Variants in TLE4 observed in about 807,000 individuals in gnomAD.
TLE4 encodes TLE family member 4, transcriptional corepressor.
TLE4 carries 8 observed loss-of-function variants against 92.8 expected under a neutral mutation model. The observed-to-expected ratio is 0.09, with a 90% CI of 0.05 to 0.16. The LOEUF is 0.16. TLE4 is among the 10% of genes least tolerant of loss of function. The pLI, the probability that TLE4 is intolerant of heterozygous loss-of-function variation, is 1.00. For missense variants in TLE4, 675 were observed against 997.6 expected (o/e 0.68, Z 4.36); for synonymous variants, 371 against 374.1 (o/e 0.99, Z 0.10).
rs1288180333 is a variant in TLE4 at position 79,726,206 on chromosome 9, C to T, written c.*1062C>T. ...GGATGAGGACTTGCTTTCTTTACCT[C>T]CGGTTCTTTCCATGTCTTAGTTGGA... On this transcript the variant is annotated 3_prime_UTR_variant, in exon 20 of 20. Transcript: ENST00000376552. The T allele has an allele frequency of 6.5e-6, 1 of 152,680 alleles. No individual in the cohort carries two copies. Among genetic ancestry groups the T allele is most frequent in the African/African-American group, 2.4e-5 (1 of 41,472 alleles). 9.5% of individuals were successfully genotyped at this position (152,680 alleles called of 1,614,324 possible).
intron 8 of TLE4, among the ~76,000 whole-genome samples, chr9:79,688,397 T>C (rs2066341478): frequency 6.6e-6 from 1 of 152,098 alleles, no homozygotes; most frequent in East Asian, 1.9e-4. Context: ...CTCAATTCTT[T>C]TGCTTTATGT....
intron 4 of TLE4, among the ~76,000 whole-genome samples, chr9:79,608,297 G>T (rs2047568045): frequency 6.6e-6 from 1 of 151,766 alleles, no homozygotes; most frequent in South Asian, 2.1e-4. Flanking sequence ...TTTAATCTAG[G>T]GTCAGGCAAG....
intron 6 of TLE4, among the ~76,000 whole-genome samples, chr9:79,632,480 A>T (rs1178063199): frequency 6.6e-6 from 1 of 152,150 alleles, no homozygotes; most frequent in African/African-American, 2.4e-5. Flanking sequence ...TTCCCGGCAG[A>T]CACTTAGGAT....
chr9:79,588,859 G>T (rs759578152), intron 4 of TLE4, among the ~76,000 whole-genome samples: 10 of 152,144 alleles, frequency 6.6e-5, no homozygotes, highest in Non-Finnish European at 1.0e-4. Flanking sequence ...TTTTGTGGGG[G>T]CAGAATCCAT....
intron 4 of TLE4, among the ~76,000 whole-genome samples, chr9:79,580,905 A>G (rs1023034693): frequency 1.2e-4 from 19 of 152,318 alleles, no homozygotes; most frequent in African/African-American, 4.6e-4. Context: ...ATACTACTAG[A>G]TTATAAAATC....
intron 8 of TLE4, among the ~76,000 whole-genome samples, chr9:79,662,176 T>C (rs563306490): frequency 3.9e-5 from 6 of 152,224 alleles, no homozygotes; most frequent in South Asian, 2.1e-4. Context: ...TTCTAAGATA[T>C]GGTGATAAGG....
At chr9:79,576,443 T>G in intron 4 of TLE4, 1 of 260,576 alleles carries the variant, frequency 3.8e-6, no homozygotes, top group Non-Finnish European at 7.2e-6. Context: ...GATGCTAAAT[T>G]TTAAAATCCT....
intron 4 of TLE4, among the ~76,000 whole-genome samples, chr9:79,583,566 A>G (rs1255560426): frequency 1.3e-5 from 2 of 152,112 alleles, no homozygotes; most frequent in Non-Finnish European, 2.9e-5. Flanking sequence ...AGGCAAAGTG[A>G]GAGGTTGGGG....
chr9:79,581,498 C>G (rs369619888), intron 4 of TLE4, among the ~76,000 whole-genome samples: 2 of 152,180 alleles, frequency 1.3e-5, no homozygotes, highest in East Asian at 1.9e-4. Flanking sequence ...GGCAGTGATT[C>G]TTGAGTGAAA....
chr9:79,695,032 C>T (rs542329512), intron 8 of TLE4, among the ~76,000 whole-genome samples: 6 of 152,206 alleles, frequency 3.9e-5, no homozygotes, highest in African/African-American at 1.4e-4. Context: ...TGATGAGAGA[C>T]AAGGAAAGGG....
chr9:79,710,543 A>T (rs1452082976), intron 14 of TLE4, among the ~76,000 whole-genome samples: 1 of 152,152 alleles, frequency 6.6e-6, no homozygotes, highest in Non-Finnish European at 1.5e-5. Context: ...CTCCAGGGCT[A>T]TCCAGACCTG....
chr9:79,611,846 C>A (rs1285311140), intron 4 of TLE4, among the ~76,000 whole-genome samples: 2 of 147,026 alleles, frequency 1.4e-5, no homozygotes, highest in Non-Finnish European at 3.0e-5. Flanking sequence ...CTTACTGTAG[C>A]ATCTTATTGG....
chr9:79,629,087 G>C (rs746453441), intron 6 of TLE4, among the ~76,000 whole-genome samples: 2 of 152,106 alleles, frequency 1.3e-5, no homozygotes, highest in Non-Finnish European at 2.9e-5. Context: ...TGATAGGAGA[G>C]GTTGCTGGGT....
intron 8 of TLE4, among the ~76,000 whole-genome samples, chr9:79,665,546 T>TC (rs1450336742): frequency 1.3e-5 from 2 of 152,186 alleles, no homozygotes; most frequent in African/African-American, 4.8e-5. Flanking sequence ...AAGGCAGTCT[T>TC]CCCAGGAAGC....
intron 8 of TLE4, among the ~76,000 whole-genome samples, chr9:79,679,935 G>C (rs1203853386): frequency 6.6e-6 from 1 of 151,846 alleles, no homozygotes; most frequent in African/African-American, 2.4e-5. Flanking sequence ...GTAGATATGC[G>C]GCATTATTTC....
At chr9:79,608,586 G>T (rs1385209961) in intron 4 of TLE4, among the ~76,000 whole-genome samples, 1 of 151,896 alleles carries the variant, frequency 6.6e-6, no homozygotes, top group East Asian at 1.9e-4. Flanking sequence ...AAAAATTTTG[G>T]CAAGAAACTG....
chr9:79,573,178 C>T (rs2036373614), intron 1 of TLE4: 5 of 932,458 alleles, frequency 5.4e-6, no homozygotes, highest in Non-Finnish European at 6.6e-6. Flanking sequence ...GGGGAGGGCG[C>T]CCTCGGCAGC....
At chr9:79,603,659 A>T (rs968536199) in intron 4 of TLE4, among the ~76,000 whole-genome samples, 1 of 152,092 alleles carries the variant, frequency 6.6e-6, no homozygotes, top group East Asian at 1.9e-4. Flanking sequence ...CATTCACTTT[A>T]TTGTTGTGGT....
chr9:79,722,827 T>C (rs1305183815), intron 18 of TLE4, 132 bp from the exon 19 acceptor site: 1 of 1,014,218 alleles, frequency 9.9e-7, no homozygotes, highest in Non-Finnish European at 1.4e-6. Context: ...AGATAGGCTT[T>C]ATTTTTGAAG....
Sources: allele counts gnomAD v4.1 joint callset (sites outside exome capture counted in the v4.1 genomes callset), GRCh38; gene constraint gnomAD v4.1.1; transcripts MANE v1.5; gene names NCBI Gene and HGNC (gene_info 2026-07-23, HGNC 2026-07-21).